The following BCL11B variants were observed in gnomAD, a reference collection of about 807,000 sequenced individuals.
The protein encoded by BCL11B is BCL11 transcription factor B.
A neutral mutation model predicts 49.9 loss-of-function variants in BCL11B; 8 were observed. The observed-to-expected ratio is 0.16, with a 90% CI of 0.09 to 0.29. The LOEUF (loss-of-function observed/expected upper bound fraction) is 0.29. Ranked by LOEUF, BCL11B falls within the 10% of genes least tolerant of loss-of-function variation. The pLI, the probability that BCL11B is intolerant of heterozygous loss-of-function variation, is 1.00. For synonymous variants in BCL11B, 739 were observed against 637.4 expected (o/e 1.16, Z -2.40); for missense variants, 1,006 against 1,351.0 (o/e 0.74, Z 4.00).
At chr14:99,187,511 G>A (rs545934075) in intron 3 of BCL11B, among the ~76,000 whole-genome samples, 29 of 152,200 alleles carry the variant, frequency 1.9e-4, no homozygotes, top group Admixed American at 1.6e-3. Flanking sequence ...TGATGGTGAC[G>A]TTCCCCCACG....
intron 3 of BCL11B, among the ~76,000 whole-genome samples, chr14:99,176,729 G>A (rs143534394): frequency 5.6e-4 from 86 of 152,234 alleles, no homozygotes; most frequent in African/African-American, 2.0e-3. Context: ...TCCTCTGCCT[G>A]CACCCACTAG....
In BCL11B at chr14:99,175,793, A is replaced by G; in HGVS notation, c.1043T>C (p.Val348Ala). The G allele has an allele frequency of 6.8e-7, 1 of 1,471,896 alleles. No homozygotes were observed. Among genetic ancestry groups the G allele is most frequent in the Non-Finnish European group, 8.9e-7 (1 of 1,122,040 alleles). The allele number at this position is 1,471,896 out of a possible 1,614,324, so 91.2% of individuals were successfully genotyped here. A position where few individuals can be genotyped will look rare whatever the true frequency, so the allele number is the denominator to read the frequency against. The change falls in exon 4 of 4, where the codon GTC becomes GCC. Residue 348 changes from valine to alanine, a missense_variant. By Grantham distance (64) the Val-to-Ala change is moderately conservative. Transcript: ENST00000357195. ...VAQHPSAFDR[V>A]MRLNPMAIDS... ...GATGGCCATGGGGTTCAGGCGCATG[A>G]CTCGGTCGAAGGCACTGGGGTGCTG...
chr14:99,176,161 T>C lies in BCL11B; in HGVS notation c.675A>G (p.Thr225=). The C allele has an allele frequency of 6.2e-7, 1 of 1,612,162 alleles. No homozygotes were observed. The highest frequency in any genetic ancestry group is 8.5e-7 in the Non-Finnish European group (1 of 1,179,002). The change falls in exon 4 of 4, where the codon ACA becomes ACG. Residue 225 remains threonine, a synonymous_variant. Transcript: ENST00000357195. ...ACGCGCTGTTGAAGGGCTGCTTGCA[T>C]GTTGTGCAAATGTAGCTGGAAGGCT... ...KDEPSSYICT[T]CKQPFNSAWF...
chr14:99,225,876 G>A (rs919947079), intron 3 of BCL11B, among the ~76,000 whole-genome samples: 1 of 152,224 alleles, frequency 6.6e-6, no homozygotes, highest in African/African-American at 2.4e-5. Flanking sequence ...CAGTCATGCT[G>A]GTAGGTGCCC....
In BCL11B at chr14:99,271,955, G is replaced by A. The variant is rs182354214; in HGVS notation, c.-737C>T. 8.7e-3 allele frequency among the ~76,000 whole-genome samples: 1,320 copies of A among 152,050 alleles called. 7 individuals are homozygous for A. The highest frequency in any genetic ancestry group is 0.027 in the Middle Eastern group (8 of 294). On this transcript the variant is annotated 5_prime_UTR_variant, in exon 1 of 4. Coordinates refer to ENST00000357195, the MANE Select transcript of BCL11B (RefSeq NM_138576.4). Reference sequence around the variant, plus strand: ...GAGACTGACCCTTCCGAGGCTCTGGGGGGACACCAGGAGAGGCTCCTTCCC... The same window carrying A: ...GAGACTGACCCTTCCGAGGCTCTGGAGGGACACCAGGAGAGGCTCCTTCCC...
chr14:99,188,100 G>A (rs1278779362), intron 3 of BCL11B, among the ~76,000 whole-genome samples: 6 of 152,174 alleles, frequency 3.9e-5, no homozygotes, highest in Non-Finnish European at 8.8e-5. Context: ...GTTCCGGTCT[G>A]CGGGGATTGA....
chr14:99,231,766 G>T lies in BCL11B; in HGVS notation c.428-209C>A, dbSNP rs1888344765. Among the ~76,000 whole-genome samples, 2 of 151,862 alleles carry T rather than the reference G, an allele frequency of 1.3e-5. No individual in the cohort carries two copies. Among genetic ancestry groups the T allele is most frequent in the Admixed American group, 1.3e-4 (2 of 15,272 alleles). On this transcript the variant is annotated intron_variant, in intron 2 of 3. Coordinates refer to ENST00000357195, the MANE Select transcript of BCL11B (RefSeq NM_138576.4). This position sits in a 1 kb window ranked among gnomAD's most constrained non-coding sequence, Gnocchi z 8.1. ...AGGTGGGCAGGGGGCACTGGGGAGG[G>T]CCCGGTTTCCACAGCTGCCAGGCTG...
chr14:99,266,993 T>G (rs1422567216), intron 1 of BCL11B, among the ~76,000 whole-genome samples: 1 of 152,176 alleles, frequency 6.6e-6, no homozygotes, highest in Admixed American at 6.5e-5. Context: ...TTTTCTGTGC[T>G]TCCGTCTCAC....
chr14:99,240,439 T>C (rs1303296731), intron 2 of BCL11B, among the ~76,000 whole-genome samples: 2 of 152,334 alleles, frequency 1.3e-5, no homozygotes, highest in African/African-American at 2.4e-5. Context: ...TTGCATTACA[T>C]AAGAACAAAA....
At chr14:99,244,009 A>T (rs1369776785) in intron 2 of BCL11B, among the ~76,000 whole-genome samples, 2 of 149,438 alleles carry the variant, frequency 1.3e-5, no homozygotes, top group East Asian at 4.0e-4. Context: ...ACTGCAGGGC[A>T]GCCTACCCTG....
chr14:99,199,482 G>T (rs1299009809), intron 3 of BCL11B, among the ~76,000 whole-genome samples: 2 of 152,118 alleles, frequency 1.3e-5, no homozygotes, highest in Non-Finnish European at 2.9e-5. Flanking sequence ...TTGGTGAGAG[G>T]GTTCTTTCCC....
At chr14:99,187,052 A>G (rs1183719088) in intron 3 of BCL11B, among the ~76,000 whole-genome samples, 1 of 152,210 alleles carries the variant, frequency 6.6e-6, no homozygotes, top group Non-Finnish European at 1.5e-5. Flanking sequence ...GGAACAGGGA[A>G]GTATTAAAAC....
Position 99,257,730 on chromosome 14 carries a change from G to A in BCL11B, c.168C>T (p.Leu56=). The change falls in exon 2 of 4, where the codon CTC becomes CTT. Residue 56 remains leucine, a synonymous_variant. Transcript: ENST00000357195. This position sits in a 1 kb window ranked among gnomAD's most constrained non-coding sequence, Gnocchi z 6.2. The part of the protein sequence containing the change: ...LMVGGPDPDL[L]TCGQCQMNFP... ...AGTTCATTTGACACTGGCCACAGGT[G>A]AGCAGGTCAGGGTCGGGGCCACCCA... 1.9e-6 allele frequency: 3 copies of A among 1,611,762 alleles called. No individual in the cohort carries two copies. The highest frequency in any genetic ancestry group is 1.1e-5 in the South Asian group (1 of 90,808).
At chr14:99,178,052 C>T (rs1483561424) in intron 3 of BCL11B, among the ~76,000 whole-genome samples, 1 of 152,192 alleles carries the variant, frequency 6.6e-6, no homozygotes, top group Non-Finnish European at 1.5e-5. Flanking sequence ...ACATCGCATG[C>T]CTGCAGCGTC....
intron 3 of BCL11B, among the ~76,000 whole-genome samples, chr14:99,177,374 T>C (rs1886567435): frequency 6.6e-6 from 1 of 151,706 alleles, no homozygotes; most frequent in Admixed American, 6.6e-5. Flanking sequence ...TCTGTGTCCA[T>C]CACTGAGACA....
chr14:99,233,506 C>T (rs1226566486), intron 2 of BCL11B, among the ~76,000 whole-genome samples: 1 of 152,192 alleles, frequency 6.6e-6, no homozygotes, highest in African/African-American at 2.4e-5. Context: ...AAAGGCCAAA[C>T]CCAGGCTCTG....
Position 99,169,894 on chromosome 14 carries a change from G to C in BCL11B, c.*4257C>G, listed in dbSNP as rs1314552568. ...ATGCCAAGTGGCAGGTTCCAATTGGGGGCAACTTTGAACAAAGTTGTGGCA... is the reference window on the plus strand; with the variant it reads ...ATGCCAAGTGGCAGGTTCCAATTGGCGGCAACTTTGAACAAAGTTGTGGCA... On this transcript the variant is annotated 3_prime_UTR_variant, in exon 4 of 4. Transcript: ENST00000357195. 1.3e-5 allele frequency: 3 copies of C among 229,882 alleles called. No individual in the cohort carries two copies. Among genetic ancestry groups the C allele is most frequent in the African/African-American group, 6.6e-5 (3 of 45,122 alleles). 14.2% of individuals were successfully genotyped at this position (229,882 alleles called of 1,614,324 possible).
rs764835228 is a variant in BCL11B at position 99,175,927 on chromosome 14, C to T, written c.909G>A (p.Pro303=). The part of the protein sequence containing the change: ...RMTGPILRDH[P]GFGEGRLPGT... ...CCGGCAGGCGGCCCTCGCCGAAGCCCGGGTGGTCCCGCAGGATGGGGCCCG... is the reference window on the plus strand; with the variant it reads ...CCGGCAGGCGGCCCTCGCCGAAGCCTGGGTGGTCCCGCAGGATGGGGCCCG... Residue 303 remains proline (P), a synonymous_variant, in exon 4 of 4, where the codon CCG becomes CCA. Transcript: ENST00000357195. 1 of 1,446,002 alleles carries T rather than the reference C, an allele frequency of 6.9e-7. No individual in the cohort carries two copies. Among genetic ancestry groups the T allele is most frequent in the Non-Finnish European group, 9.1e-7 (1 of 1,101,350 alleles). The allele number at this position is 1,446,002 out of a possible 1,614,324, so 89.6% of individuals were successfully genotyped here. A position where few individuals can be genotyped will look rare whatever the true frequency, so the allele number is the denominator to read the frequency against.
intron 2 of BCL11B, among the ~76,000 whole-genome samples, chr14:99,237,102 G>A (rs148471868): frequency 1.9e-4 from 29 of 152,154 alleles, no homozygotes; most frequent in African/African-American, 2.6e-4. Flanking sequence ...TGAGACAGCA[G>A]GAATAGAGAA....
Sources: allele counts gnomAD v4.1 joint callset (sites outside exome capture counted in the v4.1 genomes callset), GRCh38; gene constraint gnomAD v4.1.1; non-coding constraint Gnocchi (gnomAD v3.1); transcripts MANE v1.5; gene names NCBI Gene and HGNC (gene_info 2026-07-23, HGNC 2026-07-21).